THADA: variants seen among roughly 807,000 people sequenced by gnomAD.
THADA encodes tRNA (32-2'-O)-methyltransferase regulator THADA.
A neutral mutation model predicts 219.8 loss-of-function variants in THADA; 213 were observed. The ratio of observed to expected loss-of-function variants is 0.97; its 90% confidence interval spans 0.87 to 1.09. THADA has a LOEUF of 1.09. Among genes scored for constraint, THADA ranks in the 50% least tolerant of loss-of-function variants. The pLI is 0.00. For missense variants in THADA, 2,956 were observed against 2,311.3 expected, an observed-to-expected ratio of 1.28 and a Z score of -5.72; for synonymous variants, 1,018 against 828.9, an observed-to-expected ratio of 1.23 and a Z score of -3.92.
chr2:43,534,854 A>T (rs1397548390), intron 21 of THADA, among the ~76,000 whole-genome samples: 5 of 152,076 alleles, frequency 3.3e-5, no homozygotes, highest in African/African-American at 1.2e-4. Context: ...TCCTTGGATA[A>T]ATGCCTAGTA....
chr2:43,277,255 G>T (rs1051737410), intron 36 of THADA: 1 of 152,516 alleles, frequency 6.6e-6, no homozygotes, highest in African/African-American at 2.4e-5. Context: ...CCTTGGCACT[G>T]AGCCATCCCA....
chr2:43,587,719 A>G (rs1479054896), intron 4 of THADA, among the ~76,000 whole-genome samples: 1 of 152,156 alleles, frequency 6.6e-6, no homozygotes, highest in Non-Finnish European at 1.5e-5. Flanking sequence ...ATGCCATCTA[A>G]TATCCTATAA....
At chr2:43,294,637 G>A (rs1400034920) in intron 31 of THADA, among the ~76,000 whole-genome samples, 1 of 152,164 alleles carries the variant, frequency 6.6e-6, no homozygotes, top group Admixed American at 6.5e-5. Context: ...AAGCAGTAAG[G>A]TCAGGGGCCC....
At chr2:43,460,627 C>G (rs1029061620) in intron 26 of THADA, among the ~76,000 whole-genome samples, 1 of 152,058 alleles carries the variant, frequency 6.6e-6, no homozygotes, top group Non-Finnish European at 1.5e-5. Flanking sequence ...GGAGGACACT[C>G]GTACATAAAA....
intron 29 of THADA, among the ~76,000 whole-genome samples, chr2:43,364,031 G>A (rs1349018374): frequency 6.6e-6 from 1 of 152,056 alleles, no homozygotes; most frequent in Non-Finnish European, 1.5e-5. Context: ...AGACCAGCCT[G>A]GGCAACATGG....
At position 43,320,451 on chromosome 2, in the gene THADA, T is replaced by A; in HGVS notation, c.4433A>T (p.Gln1478Leu). ...CCLNRSAKDN[Q>L]PVLESLGFWE... Reference sequence around the variant, plus strand: ...AGTATAACTATGAATCATACCTGGCTGGTTGTCCTTTGCAGATCTGTTGAG... The same window carrying A: ...AGTATAACTATGAATCATACCTGGCAGGTTGTCCTTTGCAGATCTGTTGAG... The change falls in exon 31 of 38, where the codon CAG (glutamine) becomes CTG (leucine). Residue 1478 changes from glutamine to leucine, a missense_variant. Physicochemically the swap from Gln to Leu is moderately radical, Grantham distance 113 (BLOSUM62 -2). Transcript: ENST00000405975. 6.2e-7 allele frequency: 1 copy of A among 1,611,178 alleles called. No individual in the cohort carries two copies. Among genetic ancestry groups the A allele is most frequent in the Non-Finnish European group, 8.5e-7 (1 of 1,177,918 alleles).
intron 28 of THADA, among the ~76,000 whole-genome samples, chr2:43,418,729 G>A (rs539664143): frequency 2.8e-4 from 42 of 152,076 alleles, no homozygotes; most frequent in African/African-American, 1.0e-3. Context: ...TTGAGGGCAG[G>A]ACAAACAGGT....
intron 26 of THADA, among the ~76,000 whole-genome samples, chr2:43,445,186 T>TC (rs11284251): frequency 5.3e-5 from 8 of 151,040 alleles, no homozygotes; most frequent in Non-Finnish European, 5.9e-5. Context: ...AGAAAAATAA[T>TC]CCCCCCATCC....
intron 36 of THADA, among the ~76,000 whole-genome samples, chr2:43,272,504 G>A (rs753058088): frequency 6.6e-6 from 1 of 151,998 alleles, no homozygotes; most frequent in South Asian, 2.1e-4. Flanking sequence ...GTGAATGATT[G>A]AATACCCTTG....
chr2:43,490,867 T>A (rs1292005243), intron 25 of THADA, among the ~76,000 whole-genome samples: 3 of 152,154 alleles, frequency 2.0e-5, no homozygotes, highest in Non-Finnish European at 4.4e-5. Context: ...TTGGAATGCA[T>A]CCTCCTCAAA....
chr2:43,374,990 C>T (rs774392302), intron 29 of THADA, among the ~76,000 whole-genome samples: 7 of 151,838 alleles, frequency 4.6e-5, no homozygotes, highest in Non-Finnish European at 8.8e-5. Context: ...ATGACAAAGA[C>T]AGCTTTCAGT....
At chr2:43,398,270 C>T (rs1674351152) in intron 28 of THADA, 131 bp from the exon 29 acceptor site, 1 of 880,128 alleles carries the variant, frequency 1.1e-6, no homozygotes, top group Non-Finnish European at 1.7e-6. Context: ...TGCTCCTTAT[C>T]CCAAATGATG....
In THADA at chr2:43,549,288, A is replaced by C; in HGVS notation, c.3028T>G (p.Leu1010Val). The change falls in exon 20 of 38, where the codon TTG (leucine) becomes GTG (valine). Residue 1010 changes from leucine to valine, a missense_variant. Transcript: ENST00000405975. ...TNDYFNQAKILKEHDSFDMKD... is the reference protein window; with the variant it reads ...TNDYFNQAKIVKEHDSFDMKD... ...ATATCAAAGCTATCATGTTCTTTCA[A>C]TATTTTGGCTTGGTTAAAATAATCA... 6.3e-7 allele frequency: 1 copy of C among 1,599,078 alleles called. No individual in the cohort carries two copies. Among genetic ancestry groups the C allele is most frequent in the Non-Finnish European group, 8.5e-7 (1 of 1,172,672 alleles).
At chr2:43,572,712 T>G in intron 12 of THADA, 102 bp downstream of exon 12, 1 of 966,532 alleles carries the variant, frequency 1.0e-6, no homozygotes, top group South Asian at 2.4e-5. Context: ...CTTTATGAAC[T>G]CCCTAAAACA....
Position 43,531,081 on chromosome 2 carries a change from T to C in THADA, c.3265-3093A>G, listed in dbSNP as rs1166178323. ...CTTCACAGCTTAATGCTGTGGTAGA[T>C]AGAAAAGATGAAAACAAGATGCCTG... On this transcript the variant is annotated intron_variant, in intron 21 of 37. Transcript: ENST00000405975. Among the ~76,000 whole-genome samples the C allele has an allele frequency of 2.0e-5, 3 of 152,216 alleles. No individual in the cohort carries two copies. In the East Asian group the frequency reaches 5.8e-4, roughly 29 times the overall value.
chr2:43,405,301 G>A (rs1172741445), intron 28 of THADA, among the ~76,000 whole-genome samples: 1 of 152,318 alleles, frequency 6.6e-6, no homozygotes, highest in Admixed American at 6.5e-5. Flanking sequence ...GTGGGTACGT[G>A]TGCATGCATA....
At chr2:43,358,221 C>A (rs4583511) in intron 29 of THADA, among the ~76,000 whole-genome samples, 4,717 of 152,204 alleles carry the variant, frequency 0.031, 250 homozygotes, top group African/African-American at 0.11. Flanking sequence ...GAGTCAGAAA[C>A]AATAAAAGCT....
rs1464371947 is a variant in THADA, at chr2:43,536,794, T to C, written c.3264+4365A>G. 2.0e-5 allele frequency among the ~76,000 whole-genome samples: 3 copies of C among 152,168 alleles called. No individual in the cohort carries two copies. In the East Asian group the frequency reaches 5.8e-4, roughly 29 times the overall value. Reference sequence around the variant, plus strand: ...GAAATGTACTACTAACGCAAAGTAATTAAACACAGTTCTTTTACTTGTGAA... The same window carrying C: ...GAAATGTACTACTAACGCAAAGTAACTAAACACAGTTCTTTTACTTGTGAA... On this transcript the variant is annotated intron_variant, in intron 21 of 37. Coordinates refer to ENST00000405975, the MANE Select transcript of THADA (RefSeq NM_022065.5).
chr2:43,428,775 A>T (rs886866191), intron 27 of THADA, among the ~76,000 whole-genome samples: 4 of 152,190 alleles, frequency 2.6e-5, no homozygotes, highest in Admixed American at 2.6e-4. Context: ...CTCAAAGCTT[A>T]TCATTTACAT....
Sources: allele counts gnomAD v4.1 joint callset (sites outside exome capture counted in the v4.1 genomes callset), GRCh38; gene constraint gnomAD v4.1.1; transcripts MANE v1.5; gene names NCBI Gene and HGNC (gene_info 2026-07-23, HGNC 2026-07-21).